The following CXCL13 variants were observed in gnomAD, a reference collection of about 807,000 sequenced individuals.
The protein encoded by CXCL13 is C-X-C motif chemokine ligand 13, also known as C-X-C motif chemokine 13.
In CXCL13, 7 loss-of-function variants were observed where a neutral mutation model predicts 12.2. That is an observed-to-expected ratio of 0.57 (90% confidence interval 0.33 to 1.07). CXCL13 has a LOEUF of 1.07. CXCL13 is among the 50% of genes least tolerant of loss of function. The probability of loss-of-function intolerance (pLI) is 0.04; values close to 1 mark genes in which losing one functional copy is unlikely to be tolerated. For missense variants in CXCL13, 113 were observed against 127.4 expected (o/e 0.89, Z 0.55); for synonymous variants, 47 against 42.4 (o/e 1.11, Z -0.42).
intron 1 of CXCL13, among the ~76,000 whole-genome samples, chr4:77,560,130 G>A (rs1315680446): frequency 5.3e-5 from 8 of 151,810 alleles, no homozygotes; most frequent in Non-Finnish European, 1.0e-4. Context: ...CATTTACTAT[G>A]AGCCAGGCCC....
At chr4:77,546,950 C>T (rs190767359) in intron 1 of CXCL13, among the ~76,000 whole-genome samples, 183 of 152,322 alleles carry the variant, frequency 1.2e-3, no homozygotes, top group African/African-American at 4.1e-3. Flanking sequence ...TGTTTGTTCT[C>T]ATTAGTTTCA....
chr4:77,581,939 T>C (rs1726343335), intron 1 of CXCL13, among the ~76,000 whole-genome samples: 1 of 152,210 alleles, frequency 6.6e-6, no homozygotes, highest in African/African-American at 2.4e-5. Flanking sequence ...ATTACTCTAC[T>C]GAAACTCTTC....
Position 77,524,685 on chromosome 4 carries a change from C to T in CXCL13, c.-43+12897C>T, listed in dbSNP as rs148635450. Among the ~76,000 whole-genome samples, 20 of 152,274 alleles carry T rather than the reference C, an allele frequency of 1.3e-4. No homozygotes were observed. The East Asian group carries it at 3.9e-3, about 30-fold the overall frequency. ...GTCCCCTTGCACTTCCCGGGTGAGG[C>T]TATGTCCCACCCTGCTTCAGCTCAC... On this transcript the variant is annotated intron_variant, in intron 1 of 4. Transcript: ENST00000286758.
chr4:77,537,765 T>C (rs1725094367), intron 1 of CXCL13, among the ~76,000 whole-genome samples: 1 of 152,264 alleles, frequency 6.6e-6, no homozygotes, highest in South Asian at 2.1e-4. Context: ...TCTTCCTCCA[T>C]TCTTAACCCA....
At chr4:77,533,087 G>A (rs950283447) in intron 1 of CXCL13, among the ~76,000 whole-genome samples, 1 of 152,182 alleles carries the variant, frequency 6.6e-6, no homozygotes, top group Non-Finnish European at 1.5e-5. Context: ...GAGGAGCTGT[G>A]TTCCTTTGGA....
chr4:77,582,068 A>AG (rs1726346668), intron 1 of CXCL13, among the ~76,000 whole-genome samples: 1 of 138,120 alleles, frequency 7.2e-6, no homozygotes, highest in South Asian at 2.5e-4. Context: ...AAAAATGGAA[A>AG]GAAAAAAAAC....
At chr4:77,523,894 G>T (rs568015064) in intron 1 of CXCL13, among the ~76,000 whole-genome samples, 1 of 152,210 alleles carries the variant, frequency 6.6e-6, no homozygotes, top group East Asian at 1.9e-4. Context: ...ATGGGGTTTT[G>T]GTGTAGATGT....
intron 1 of CXCL13, among the ~76,000 whole-genome samples, chr4:77,552,894 A>T (rs1725567817): frequency 6.6e-6 from 1 of 152,194 alleles, no homozygotes; most frequent in Non-Finnish European, 1.5e-5. Flanking sequence ...CTGTTGATCC[A>T]GGCCAGGGGG....
At chr4:77,540,260 T>G (rs968064992) in intron 1 of CXCL13, among the ~76,000 whole-genome samples, 1 of 152,188 alleles carries the variant, frequency 6.6e-6, no homozygotes, top group Non-Finnish European at 1.5e-5. Flanking sequence ...CATTTTTTAA[T>G]AATTTCAACT....
intron 1 of CXCL13, among the ~76,000 whole-genome samples, chr4:77,549,440 T>C (rs762615174): frequency 1.3e-5 from 2 of 152,206 alleles, no homozygotes; most frequent in African/African-American, 4.8e-5. Flanking sequence ...ATTTTCAGCT[T>C]TTCTGTTCTG....
At chr4:77,560,463 C>T (rs1725779554) in intron 1 of CXCL13, among the ~76,000 whole-genome samples, 1 of 152,192 alleles carries the variant, frequency 6.6e-6, no homozygotes, top group Admixed American at 6.5e-5. Context: ...TAAACAATGC[C>T]TTTTGAGGTA....
intron 1 of CXCL13, among the ~76,000 whole-genome samples, chr4:77,524,786 C>T (rs1724720272): frequency 6.6e-6 from 1 of 152,154 alleles, no homozygotes; most frequent in South Asian, 2.1e-4. Flanking sequence ...ATGCAGAAGT[C>T]CCCTGTCTTC....
chr4:77,528,150 G>T (rs560078940), intron 1 of CXCL13, among the ~76,000 whole-genome samples: 3 of 152,238 alleles, frequency 2.0e-5, no homozygotes, highest in African/African-American at 7.2e-5. Context: ...TGGTGTATAT[G>T]TGCCACATTT....
intron 1 of CXCL13, among the ~76,000 whole-genome samples, chr4:77,585,344 C>T (rs77142082): frequency 0.018 from 2,766 of 152,246 alleles, 83 homozygotes; most frequent in African/African-American, 0.061. Context: ...TTATTGCAAA[C>T]GATGTTTATT....
intron 1 of CXCL13, among the ~76,000 whole-genome samples, chr4:77,532,304 GA>G: frequency 6.6e-6 from 1 of 152,204 alleles, no homozygotes; most frequent in African/African-American, 2.4e-5. Flanking sequence ...CTTCACTTAT[GA>G]AGCTTAGTTT....
intron 1 of CXCL13, among the ~76,000 whole-genome samples, chr4:77,531,156 G>T (rs1724906760): frequency 6.8e-6 from 1 of 147,062 alleles, no homozygotes; most frequent in Non-Finnish European, 1.5e-5. Context: ...TAAGTTTTAG[G>T]GTACATGTGC....
intron 1 of CXCL13, among the ~76,000 whole-genome samples, chr4:77,598,737 A>G (rs1466608585): frequency 6.6e-6 from 1 of 152,164 alleles, no homozygotes; most frequent in Non-Finnish European, 1.5e-5. Flanking sequence ...AACACATTCT[A>G]CAGAAGGAAG....
intron 1 of CXCL13, among the ~76,000 whole-genome samples, chr4:77,606,983 G>A (rs1727014778): frequency 6.6e-6 from 1 of 152,118 alleles, no homozygotes; most frequent in African/African-American, 2.4e-5. Context: ...GAATTTTTAT[G>A]ATTGCCTTTT....
chr4:77,579,917 A>G (rs1334835221), intron 1 of CXCL13, among the ~76,000 whole-genome samples: 2 of 152,188 alleles, frequency 1.3e-5, no homozygotes, highest in Non-Finnish European at 2.9e-5. Context: ...CATCCTGAAA[A>G]ATAGCTATGC....
Sources: allele counts gnomAD v4.1 joint callset (sites outside exome capture counted in the v4.1 genomes callset), GRCh38; gene constraint gnomAD v4.1.1; transcripts MANE v1.5; gene names NCBI Gene and HGNC (gene_info 2026-07-23, HGNC 2026-07-21).